Variants in FSHR observed in about 807,000 individuals in gnomAD.
FSHR encodes follicle stimulating hormone receptor.
FSHR carries 46 observed loss-of-function variants against 52.1 expected under a neutral mutation model. The ratio of observed to expected loss-of-function variants is 0.88; its 90% CI spans 0.70 to 1.13. FSHR has a LOEUF of 1.13. Ranked by LOEUF, FSHR falls within the 50% of genes most tolerant of loss-of-function variation. The pLI is 0.00. For missense variants in FSHR, 964 were observed against 834.6 expected (o/e 1.16, Z -1.91); for synonymous variants, 399 against 309.6 (o/e 1.29, Z -3.03).
intron 2 of FSHR, among the ~76,000 whole-genome samples, chr2:49,039,433 C>T (rs1285787346): frequency 6.6e-6 from 1 of 152,180 alleles, no homozygotes; most frequent in African/African-American, 2.4e-5. Context: ...ACTCAGCCTT[C>T]GTGGAGGAGG....
chr2:48,964,022 C>A, intron 9 of FSHR, 56 bp from the exon 10 acceptor site: 1 of 1,537,378 alleles, frequency 6.5e-7, no homozygotes, highest in Non-Finnish European at 8.9e-7. Flanking sequence ...ATAGCAAATA[C>A]ATCACTGTCT....
chr2:49,083,200 T>G (rs1243805370), intron 1 of FSHR, among the ~76,000 whole-genome samples: 1 of 150,948 alleles, frequency 6.6e-6, no homozygotes, highest in African/African-American at 2.4e-5. Context: ...TCCACATTCT[T>G]AAAGAAAAGA....
At chr2:48,996,889 A>G (rs1297517728) in intron 4 of FSHR, among the ~76,000 whole-genome samples, 1 of 152,182 alleles carries the variant, frequency 6.6e-6, no homozygotes, top group Non-Finnish European at 1.5e-5. Context: ...TCAACTGTAT[A>G]TGAAAAGACT....
At chr2:49,128,188 G>A (rs1280044149) in intron 1 of FSHR, among the ~76,000 whole-genome samples, 1 of 151,758 alleles carries the variant, frequency 6.6e-6, no homozygotes, top group Non-Finnish European at 1.5e-5. Context: ...GCCAATTTAT[G>A]CTTGAACTCA....
Position 49,020,091 on chromosome 2 carries a change from A to T in FSHR, c.294T>A (p.His98Gln). 1 of 1,613,274 alleles carries T rather than the reference A, an allele frequency of 6.2e-7. No individual in the cohort carries two copies. Among genetic ancestry groups the T allele is most frequent in the Non-Finnish European group, 8.5e-7 (1 of 1,179,254 alleles). The change falls in exon 3 of 10, where the codon CAT (histidine) becomes CAA (glutamine). Residue 98 changes from histidine to glutamine, a missense_variant. Coordinates refer to ENST00000406846, the MANE Select transcript of FSHR (RefSeq NM_000145.4). Reference sequence around the variant, plus strand: ...CCCCCAATCTTCTTGCTTACATTTCATGTAATTTGGGAAGGTTGGAGAACA... The same window carrying T: ...CCCCCAATCTTCTTGCTTACATTTCTTGTAATTTGGGAAGGTTGGAGAACA... ...ADVFSNLPKL[H>Q]EIRIEKANNL...
At chr2:48,991,351 C>G (rs551642022) in intron 4 of FSHR, among the ~76,000 whole-genome samples, 18 of 152,196 alleles carry the variant, frequency 1.2e-4, no homozygotes, top group African/African-American at 4.3e-4. Context: ...TGAAGCTAAG[C>G]AATACTACCA....
At chr2:49,108,139 C>A (rs553425454) in intron 1 of FSHR, among the ~76,000 whole-genome samples, 1 of 152,104 alleles carries the variant, frequency 6.6e-6, no homozygotes, top group Non-Finnish European at 1.5e-5. Context: ...AAATTCATCC[C>A]TTTTGCTTCC....
At chr2:49,122,940 G>T (rs1010748486) in intron 1 of FSHR, among the ~76,000 whole-genome samples, 22 of 152,208 alleles carry the variant, frequency 1.4e-4, no homozygotes, top group Admixed American at 1.4e-3. Flanking sequence ...GAGTCTATCT[G>T]CCTAGCCCTC....
At chr2:49,109,566 TG>T (rs1671351956) in intron 1 of FSHR, among the ~76,000 whole-genome samples, 1 of 151,988 alleles carries the variant, frequency 6.6e-6, no homozygotes. Context: ...GGGAGTGGAC[TG>T]GGGGGACAGT....
chr2:49,132,728 C>T (rs1265005533), intron 1 of FSHR, among the ~76,000 whole-genome samples: 1 of 151,998 alleles, frequency 6.6e-6, no homozygotes, highest in African/African-American at 2.4e-5. Context: ...TCCTGGGTAC[C>T]TAACTGCTTT....
At chr2:49,061,245 AGCCTGGGACCCT>A (rs1171002233) in intron 2 of FSHR, among the ~76,000 whole-genome samples, 1 of 152,124 alleles carries the variant, frequency 6.6e-6, no homozygotes, top group Non-Finnish European at 1.5e-5. Flanking sequence ...CAAGACCATA[AGCCTGGGACCCT>A]GCCCCCATAG....
intron 1 of FSHR, among the ~76,000 whole-genome samples, chr2:49,132,159 A>G (rs551989722): frequency 1.4e-4 from 21 of 152,236 alleles, no homozygotes; most frequent in African/African-American, 4.8e-4. Context: ...CTGTAGTTAC[A>G]TGTTCTGGAT....
chr2:49,039,447 CA>C (rs1668405695), intron 2 of FSHR, among the ~76,000 whole-genome samples: 1 of 152,190 alleles, frequency 6.6e-6, no homozygotes, highest in South Asian at 2.1e-4. Context: ...GAGGAGGGCA[CA>C]GAGCAGTATA....
At position 49,006,772 on chromosome 2, in the gene FSHR, C is replaced by G. The variant is rs149466712; in HGVS notation, c.374+10717G>C. On this transcript the variant is annotated intron_variant, in intron 4 of 9. Transcript: ENST00000406846. ...CTTTTCTCCCCAAAGGACTGAGCTC[C>G]TTGAAGTGAGAGCTGTCCATCGATA... Among the ~76,000 whole-genome samples the G allele has an allele frequency of 1.6e-4, 25 of 152,238 alleles. No homozygotes were observed. In the East Asian group the frequency reaches 3.3e-3, roughly 20 times the overall value.
At chr2:49,067,617 C>T (rs994166713) in intron 2 of FSHR, among the ~76,000 whole-genome samples, 1 of 152,066 alleles carries the variant, frequency 6.6e-6, no homozygotes, top group African/African-American at 2.4e-5. Flanking sequence ...TGCTCTTTTA[C>T]TATTGCACCC....
intron 3 of FSHR, among the ~76,000 whole-genome samples, 167 bp downstream of exon 3, chr2:49,019,918 AC>A (rs746283606): frequency 4.5e-4 from 69 of 152,236 alleles, no homozygotes; most frequent in Non-Finnish European, 8.4e-4. Context: ...TCCCTGGGTC[AC>A]CAGATAGAGA....
At position 49,008,845 on chromosome 2, in the gene FSHR, A is replaced by G. The variant is rs556814059; in HGVS notation, c.374+8644T>C. Among the ~76,000 whole-genome samples, 425 of 149,326 alleles carry G rather than the reference A, an allele frequency of 2.8e-3. 6 individuals are homozygous for G. The highest frequency in any genetic ancestry group is 0.01 in the African/African-American group (414 of 40,460). On this transcript the variant is annotated intron_variant, in intron 4 of 9. Transcript: ENST00000406846. ...GTCTTCTTTTGAGAAGTGTCTGTTC[A>G]TGTCCTTCGCCCACTTTTTGATGGG... is the stretch of plus-strand genomic sequence containing the variant.
At chr2:49,011,021 T>C (rs1667250411) in intron 4 of FSHR, among the ~76,000 whole-genome samples, 1 of 151,382 alleles carries the variant, frequency 6.6e-6, no homozygotes, top group Non-Finnish European at 1.5e-5. Context: ...TTTGTGTCTC[T>C]ATTTCCTTCA....
chr2:49,008,403 C>T (rs1447939959), intron 4 of FSHR, among the ~76,000 whole-genome samples: 6 of 150,032 alleles, frequency 4.0e-5, no homozygotes, highest in African/African-American at 1.2e-4. Flanking sequence ...ATATGTGCCA[C>T]ATTTTCTTAA....
Sources: allele counts gnomAD v4.1 joint callset (sites outside exome capture counted in the v4.1 genomes callset), GRCh38; gene constraint gnomAD v4.1.1; transcripts MANE v1.5; gene names NCBI Gene and HGNC (gene_info 2026-07-23, HGNC 2026-07-21).